MED27: variants seen among roughly 807,000 people sequenced by gnomAD.
The protein encoded by MED27 is mediator complex subunit 27, also known as mediator of RNA polymerase II transcription subunit 27.
In MED27, 30 loss-of-function variants were observed where a neutral mutation model predicts 38.2. The ratio of observed to expected loss-of-function variants is 0.79; its 90% CI spans 0.59 to 1.07. The LOEUF (loss-of-function observed/expected upper bound fraction) is 1.07. Among genes scored for constraint, MED27 ranks in the 50% least tolerant of loss-of-function variants. MED27 has a pLI of 0.00. For missense variants in MED27, 289 were observed against 397.5 expected, an observed-to-expected ratio of 0.73 and a Z score of 2.32; for synonymous variants, 122 against 153.5, an observed-to-expected ratio of 0.79 and a Z score of 1.52.
chr9:131,874,461 C>T (rs1426577265), intron 6 of MED27, among the ~76,000 whole-genome samples: 1 of 152,064 alleles, frequency 6.6e-6, no homozygotes, highest in East Asian at 1.9e-4. Context: ...GCTCACCTTG[C>T]AGGAGCCTGA....
intron 2 of MED27, chr9:132,073,479 T>C: frequency 8.5e-7 from 1 of 1,183,176 alleles, no homozygotes; most frequent in Non-Finnish European, 1.0e-6. Context: ...GCCTCTCCCC[T>C]GAGCCTTATA....
At chr9:131,994,231 G>C (rs758666217) in intron 3 of MED27, among the ~76,000 whole-genome samples, 1 of 152,098 alleles carries the variant, frequency 6.6e-6, no homozygotes, top group Non-Finnish European at 1.5e-5. Flanking sequence ...CAATTCCCAG[G>C]AACCTATCGA....
rs1832120796 is a variant in MED27, at chr9:131,997,674, C to T, written c.479+16663G>A. Among the ~76,000 whole-genome samples the T allele has an allele frequency of 6.6e-6, 1 of 152,216 alleles. No homozygotes were observed. Among genetic ancestry groups the T allele is most frequent in the South Asian group, 2.1e-4 (1 of 4,828 alleles). On this transcript the variant is annotated intron_variant, in intron 3 of 7. Coordinates refer to ENST00000292035, the MANE Select transcript of MED27 (RefSeq NM_004269.4). This position sits in a 1 kb window ranked among gnomAD's most constrained non-coding sequence, Gnocchi z 4.0. ...GAACCTAATCCTCTGCCTTGTACTA[C>T]AGCTGAGACATACAGATTCCGGGTT...
At chr9:131,993,758 A>G (rs1832029456) in intron 3 of MED27, among the ~76,000 whole-genome samples, 1 of 152,158 alleles carries the variant, frequency 6.6e-6, no homozygotes. Flanking sequence ...AAAAAAATCC[A>G]TTCCCAGCTG....
At chr9:131,903,212 A>C (rs1340158507) in intron 4 of MED27, among the ~76,000 whole-genome samples, 1 of 152,246 alleles carries the variant, frequency 6.6e-6, no homozygotes, top group African/African-American at 2.4e-5. Context: ...GCGGAAGGCA[A>C]GGAGGCGCAA....
At chr9:131,950,063 TA>T (rs1197469797) in intron 3 of MED27, among the ~76,000 whole-genome samples, 1 of 152,180 alleles carries the variant, frequency 6.6e-6, no homozygotes, top group Admixed American at 6.5e-5. Context: ...CTAAAACATT[TA>T]AGCAACATAC....
At position 131,860,711 on chromosome 9, in the gene MED27, T is replaced by A. The variant is rs775898396; in HGVS notation, c.802-39A>T. 22 of 1,605,324 alleles carry A rather than the reference T, an allele frequency of 1.4e-5. No individual in the cohort carries two copies. The East Asian group carries it at 4.5e-4, about 33-fold the overall frequency. On this transcript the variant is annotated intron_variant, in intron 7 of 7. Coordinates refer to ENST00000292035, the MANE Select transcript of MED27 (RefSeq NM_004269.4). This position sits in a 1 kb window ranked among gnomAD's most constrained non-coding sequence, Gnocchi z 5.8. ...CGAGGAGAGAAGTGAAAGAATGGGA[T>A]ACGGGTGCTCCCAAAGTCCTCCTTC...
intron 4 of MED27, among the ~76,000 whole-genome samples, chr9:131,912,450 G>A (rs572356827): frequency 6.6e-6 from 1 of 152,236 alleles, no homozygotes; most frequent in South Asian, 2.1e-4. Context: ...CCTGGATCCT[G>A]GTTTTGTGGT....
intron 2 of MED27, among the ~76,000 whole-genome samples, chr9:132,016,287 G>A (rs1269435895): frequency 6.6e-6 from 1 of 152,204 alleles, no homozygotes; most frequent in Non-Finnish European, 1.5e-5. Context: ...AGAAGTATCT[G>A]TGTTTGGAGC....
Position 131,950,866 on chromosome 9 carries a change from C to T in MED27, c.480-11392G>A, listed in dbSNP as rs371837878. On this transcript the variant is annotated intron_variant, in intron 3 of 7. Transcript: ENST00000292035. ...CGGGACTGATTTAAGTAGACTGAAT[C>T]AAAGAGAAATAAAGATCCCAGAGTA... is the stretch of plus-strand genomic sequence containing the variant. Among the ~76,000 whole-genome samples the T allele has an allele frequency of 7.9e-5, 12 of 152,262 alleles. No homozygotes were observed. In the East Asian group the frequency reaches 1.7e-3, roughly 22 times the overall value.
chr9:131,996,512 G>T (rs542620192), intron 3 of MED27, among the ~76,000 whole-genome samples: 7 of 152,304 alleles, frequency 4.6e-5, no homozygotes, highest in African/African-American at 1.7e-4. Flanking sequence ...TCTCCCTCAG[G>T]AAGGGAGGCC....
At chr9:132,010,929 G>A (rs1004993252) in intron 3 of MED27, among the ~76,000 whole-genome samples, 18 of 152,150 alleles carry the variant, frequency 1.2e-4, no homozygotes, top group Non-Finnish European at 2.9e-5. Context: ...TATACCTAAT[G>A]TAAATGACGA....
chr9:131,898,852 T>C (rs1829878846), intron 4 of MED27, among the ~76,000 whole-genome samples: 1 of 152,218 alleles, frequency 6.6e-6, no homozygotes, highest in African/African-American at 2.4e-5. Context: ...CCCAAAGTGC[T>C]GGGATTATAG....
intron 3 of MED27, among the ~76,000 whole-genome samples, chr9:131,991,479 A>G (rs1275091595): frequency 6.6e-6 from 1 of 152,208 alleles, no homozygotes; most frequent in Non-Finnish European, 1.5e-5. Context: ...CAATCACTGT[A>G]ACAGGCAAAT....
chr9:131,960,745 G>A (rs1174286742), intron 3 of MED27, among the ~76,000 whole-genome samples: 1 of 152,140 alleles, frequency 6.6e-6, no homozygotes, highest in African/African-American at 2.4e-5. Flanking sequence ...TTGAACACAG[G>A]TATACAAAGC....
chr9:131,933,461 C>A (rs556442613), intron 4 of MED27, among the ~76,000 whole-genome samples: 14 of 151,756 alleles, frequency 9.2e-5, no homozygotes, highest in South Asian at 2.1e-4. Flanking sequence ...ATGCTAAGAG[C>A]GAACAATATG....
At chr9:132,024,202 A>G (rs1832771567) in intron 2 of MED27, among the ~76,000 whole-genome samples, 1 of 152,198 alleles carries the variant, frequency 6.6e-6, no homozygotes, top group African/African-American at 2.4e-5. Context: ...GCAACGTTCA[A>G]TCTTGTAAGG....
intron 2 of MED27, among the ~76,000 whole-genome samples, chr9:132,050,066 G>A (rs895169250): frequency 6.6e-6 from 1 of 152,058 alleles, no homozygotes; most frequent in Non-Finnish European, 1.5e-5. Flanking sequence ...ACAAATATCA[G>A]GGCGTTGCTC....
At chr9:131,939,938 G>C (rs1473279798) in intron 3 of MED27, among the ~76,000 whole-genome samples, 1 of 130,406 alleles carries the variant, frequency 7.7e-6, no homozygotes, top group African/African-American at 2.9e-5. Flanking sequence ...ACAGAGTCTT[G>C]CTGTGTCACC....
Sources: gnomAD v4.1 joint callset for allele counts (sites outside exome capture counted in the v4.1 genomes callset) on GRCh38, gnomAD v4.1.1 for gene constraint, Gnocchi (gnomAD v3.1) non-coding constraint, MANE v1.5 for transcripts, NCBI Gene and HGNC (gene_info 2026-07-23, HGNC 2026-07-21) for gene names.